MYH9: variants seen among roughly 807,000 people sequenced by gnomAD.
MYH9 encodes the protein myosin heavy chain 9, also known as myosin-9.
In MYH9, 29 loss-of-function variants were observed where a neutral mutation model predicts 241.9. The ratio of observed to expected loss-of-function variants is 0.12; its 90% CI spans 0.09 to 0.16. The LOEUF (loss-of-function observed/expected upper bound fraction) is 0.16. MYH9 is among the 10% of genes least tolerant of loss of function. The probability of loss-of-function intolerance (pLI) is 1.00; values close to 1 mark genes in which losing one functional copy is unlikely to be tolerated. For missense variants in MYH9, 1,803 were observed against 2,595.5 expected (o/e 0.69, Z 6.63); for synonymous variants, 1,047 against 1,062.6 (o/e 0.99, Z 0.29).
chr22:36,295,107 C>G lies in MYH9; in HGVS notation c.3486-31G>C, dbSNP rs56063322. On this transcript the variant is annotated intron_variant, in intron 26 of 40. Coordinates refer to ENST00000216181, the MANE Select transcript of MYH9 (RefSeq NM_002473.6). This position sits in a 1 kb window ranked among gnomAD's most constrained non-coding sequence, Gnocchi z 4.1. ...CAGAGAAATCCCCTCAGAGTGGAGGCCGGGGATGCTGGAGCGAGGCTGTCC... is the reference window on the plus strand; with the variant it reads ...CAGAGAAATCCCCTCAGAGTGGAGGGCGGGGATGCTGGAGCGAGGCTGTCC... 8,854 of 1,613,990 alleles carry G rather than the reference C, an allele frequency of 5.5e-3. 41 individuals carry two copies. The highest frequency in any genetic ancestry group is 5.5e-3 in the Non-Finnish European group (6,532 of 1,180,002).
chr22:36,348,503 C>T (rs570342001), intron 2 of MYH9, among the ~76,000 whole-genome samples: 17 of 81,718 alleles, frequency 2.1e-4, no homozygotes, highest in East Asian at 3.8e-4. Context: ...AGCAAGACTC[C>T]GTCTCAAAAA....
rs1312003680 is a variant in MYH9, at chr22:36,320,152, T to C, written c.1012+68A>G. On this transcript the variant is annotated intron_variant, in intron 9 of 40. Transcript: ENST00000216181. The surrounding 1 kb of genome is among the most constrained non-coding windows in gnomAD (Gnocchi z 4.8). ...TCCCCAGGCCCATCGGCTACCCTGA[T>C]GCCCCGAGGCCGTGGGTACCAGCCT... The C allele has an allele frequency of 6.4e-7, 1 of 1,551,720 alleles. No individual in the cohort carries two copies. Among genetic ancestry groups the C allele is most frequent in the Non-Finnish European group, 8.7e-7 (1 of 1,148,666 alleles).
Position 36,305,575 on chromosome 22 carries a change from G to A in MYH9, c.2159+355C>T, listed in dbSNP as rs977133579. Among the ~76,000 whole-genome samples, 8 of 152,178 alleles carry A rather than the reference G, an allele frequency of 5.3e-5. No individual in the cohort carries two copies. The highest frequency in any genetic ancestry group is 8.8e-5 in the Non-Finnish European group (6 of 68,038). ...TCTTCGCACACAGCAACGCACGGCC[G>A]TGTTTCATTTCCACAAAGTTCCTGT... On this transcript the variant is annotated intron_variant, in intron 17 of 40. Transcript: ENST00000216181. The surrounding 1 kb of genome is among the most constrained non-coding windows in gnomAD (Gnocchi z 4.7).
intron 1 of MYH9, among the ~76,000 whole-genome samples, chr22:36,378,938 A>G (rs1323693870): frequency 6.6e-6 from 1 of 152,142 alleles, no homozygotes; most frequent in Non-Finnish European, 1.5e-5. Flanking sequence ...GACTCACAGA[A>G]TGAGCTTAAG....
intron 1 of MYH9, among the ~76,000 whole-genome samples, chr22:36,380,205 G>T (rs1038082353): frequency 2.0e-5 from 3 of 152,176 alleles, no homozygotes; most frequent in African/African-American, 4.8e-5. Context: ...GAGTCAATCG[G>T]GCACAACAGC....
chr22:36,385,527 G>C lies in MYH9; in HGVS notation c.-20+2280C>G, dbSNP rs545865182. On this transcript the variant is annotated intron_variant, in intron 1 of 40. Coordinates refer to ENST00000216181, the MANE Select transcript of MYH9 (RefSeq NM_002473.6). ...AACATGCGTCCTTCATCCTACGAGA[G>C]AGAAGTTGTCCCATCTCCAACCCCT... 2.0e-4 allele frequency among the ~76,000 whole-genome samples: 31 copies of C among 152,274 alleles called. No individual in the cohort carries two copies. The South Asian group carries it at 6.4e-3, about 32-fold the overall frequency.
chr22:36,301,630 C>A lies in MYH9; in HGVS notation c.2535G>T (p.Glu845Asp). 2.5e-6 allele frequency: 4 copies of A among 1,613,952 alleles called. No individual in the cohort carries two copies. The highest frequency in any genetic ancestry group is 3.4e-6 in the Non-Finnish European group (4 of 1,180,034). Residue 845 changes from glutamate to aspartate, a missense_variant, in exon 21 of 41, where the codon GAG (glutamate) becomes GAT (aspartate). Physicochemically the swap from Glu to Asp is conservative, Grantham distance 45. Coordinates refer to ENST00000216181, the MANE Select transcript of MYH9 (RefSeq NM_002473.6). Reference protein sequence around the residue: ...KPLLQVSRQEEEMMAKEEELV... With the variant: ...KPLLQVSRQEDEMMAKEEELV... ...GCTCCTCCTCCTTGGCCATCATCTC[C>A]TCCTCCTGCCGGCTCACCTGCAGCA... is the stretch of plus-strand genomic sequence containing the variant.
chr22:36,345,900 G>A (rs905390831), intron 2 of MYH9, among the ~76,000 whole-genome samples: 1 of 152,198 alleles, frequency 6.6e-6, no homozygotes. Flanking sequence ...TGTAATCCCA[G>A]CACTTTGGGA....
intron 13 of MYH9, among the ~76,000 whole-genome samples, 180 bp downstream of exon 13, chr22:36,313,965 C>T (rs1303232207): frequency 6.6e-6 from 1 of 152,214 alleles, no homozygotes; most frequent in East Asian, 1.9e-4. Flanking sequence ...CTAATGGAGG[C>T]ACCCACCCAG....
chr22:36,351,891 A>C (rs2017770558), intron 1 of MYH9, among the ~76,000 whole-genome samples: 2 of 152,086 alleles, frequency 1.3e-5, no homozygotes, highest in Non-Finnish European at 2.9e-5. Context: ...CCGAGAGCAG[A>C]AGGGGCAGGG....
At chr22:36,367,438 T>C (rs6000258) in intron 1 of MYH9, among the ~76,000 whole-genome samples, 29,530 of 152,150 alleles carry the variant, frequency 0.19, 4,041 homozygotes, top group African/African-American at 0.39. Flanking sequence ...ATAGAAGGCA[T>C]GGCAGGCAAT....
In MYH9 at chr22:36,359,429, G is replaced by A. The variant is rs148793700; in HGVS notation, c.-19-10174C>T. ...CTGGAGAGCTGAAGGTAACAGGAGAGCCAAGTTGAAACCACACACGCGTAA... is the reference window on the plus strand; with the variant it reads ...CTGGAGAGCTGAAGGTAACAGGAGAACCAAGTTGAAACCACACACGCGTAA... On this transcript the variant is annotated intron_variant, in intron 1 of 40. Coordinates refer to ENST00000216181, the MANE Select transcript of MYH9 (RefSeq NM_002473.6). 5.5e-3 allele frequency among the ~76,000 whole-genome samples: 841 copies of A among 152,308 alleles called. 11 individuals carry two copies. The highest frequency in any genetic ancestry group is 0.019 in the African/African-American group (805 of 41,568).
chr22:36,375,645 TC>T (rs1024139571), intron 1 of MYH9, among the ~76,000 whole-genome samples: 1 of 152,142 alleles, frequency 6.6e-6, no homozygotes. Context: ...CTGCACAGTC[TC>T]CCCATCTGCA....
chr22:36,309,520 A>C (rs2017026826), intron 14 of MYH9, 124 bp from the exon 15 acceptor site: 2 of 732,338 alleles, frequency 2.7e-6, no homozygotes, highest in Middle Eastern at 2.3e-4. Flanking sequence ...CCTTTGATCC[A>C]GCATTTCCAC....
At position 36,320,757 on chromosome 22, in the gene MYH9, G is replaced by T; in HGVS notation, c.868+41C>A. 2 of 1,542,320 alleles carry T rather than the reference G, an allele frequency of 1.3e-6. No individual in the cohort carries two copies. Among genetic ancestry groups the T allele is most frequent in the African/African-American group, 1.4e-5 (1 of 73,528 alleles). On this transcript the variant is annotated intron_variant, in intron 8 of 40. Transcript: ENST00000216181. The surrounding 1 kb of genome is among the most constrained non-coding windows in gnomAD (Gnocchi z 4.8). The stretch of plus-strand genomic sequence containing the variant: ...GTCCAATTCTGGCAAGAGGCCCAGA[G>T]CCCGGCAGCCCCGGTGTCAGGCTGC...
chr22:36,351,350 C>A (rs899616089), intron 1 of MYH9, among the ~76,000 whole-genome samples: 1 of 152,156 alleles, frequency 6.6e-6, no homozygotes, highest in Admixed American at 6.5e-5. Flanking sequence ...CTGCAAGGAC[C>A]ACCCTGAGAG....
In MYH9 at chr22:36,301,695, C is replaced by T. The variant is rs766502526; in HGVS notation, c.2500-30G>A. 25 of 1,610,128 alleles carry T rather than the reference C, an allele frequency of 1.6e-5. No individual in the cohort carries two copies. In the Middle Eastern group the frequency reaches 5.0e-4, roughly 32 times the overall value. On this transcript the variant is annotated intron_variant, in intron 20 of 40. Coordinates refer to ENST00000216181, the MANE Select transcript of MYH9 (RefSeq NM_002473.6). ...GAGAGGAGATAGAGGTAGAGACATG[C>T]TCGGCTGGAAGATGCCCGCCTCTGC... is the stretch of plus-strand genomic sequence containing the variant.
intron 2 of MYH9, among the ~76,000 whole-genome samples, chr22:36,345,600 C>T (rs1439346100): frequency 6.6e-6 from 1 of 152,216 alleles, no homozygotes; most frequent in Non-Finnish European, 1.5e-5. Flanking sequence ...ACACACTGTG[C>T]TTCCTTAAAG....
At chr22:36,324,150 T>C (rs1168805527) in intron 5 of MYH9, among the ~76,000 whole-genome samples, 1 of 152,202 alleles carries the variant, frequency 6.6e-6, no homozygotes, top group African/African-American at 2.4e-5. Context: ...GAGGCCTCTG[T>C]TTGGGACCAC....
Sources: gnomAD v4.1 joint callset for allele counts (sites outside exome capture counted in the v4.1 genomes callset) on GRCh38, gnomAD v4.1.1 for gene constraint, Gnocchi (gnomAD v3.1) non-coding constraint, MANE v1.5 for transcripts, NCBI Gene and HGNC (gene_info 2026-07-23, HGNC 2026-07-21) for gene names.